The following LEMD1 variants were observed in gnomAD, a reference collection of about 807,000 sequenced individuals.
LEMD1 encodes LEM domain-containing protein 1.
Under a neutral mutation model 17.4 loss-of-function variants are expected in LEMD1, and 18 were observed. The observed-to-expected ratio is 1.04, with a 90% CI of 0.72 to 1.54. The LOEUF (loss-of-function observed/expected upper bound fraction) is 1.54. Among genes scored for constraint, LEMD1 ranks in the 40% most tolerant of loss-of-function variants. The pLI, the probability that LEMD1 is intolerant of heterozygous loss-of-function variation, is 0.00. For missense variants in LEMD1, 195 were observed against 210.4 expected, an observed-to-expected ratio of 0.93 and a Z score of 0.45; for synonymous variants, 88 against 77.8, an observed-to-expected ratio of 1.13 and a Z score of -0.69.
At chr1:205,388,422 C>G (rs1422479852) in intron 4 of LEMD1, among the ~76,000 whole-genome samples, 5 of 152,144 alleles carry the variant, frequency 3.3e-5, no homozygotes, top group Admixed American at 3.3e-4. Flanking sequence ...ATCTCCTGAC[C>G]TTGTGATCCA....
At chr1:205,427,046 T>C (rs1000558269), upstream of LEMD1, among the ~76,000 whole-genome samples, 5 of 152,086 alleles carry the variant, frequency 3.3e-5, no homozygotes, top group Non-Finnish European at 5.9e-5. Flanking sequence ...TCAGAGTGGT[T>C]AGGAGAACAG....
intron 4 of LEMD1, among the ~76,000 whole-genome samples, chr1:205,408,690 G>A (rs970831575): frequency 6.6e-6 from 1 of 151,632 alleles, no homozygotes; most frequent in Middle Eastern, 3.4e-3. Flanking sequence ...TGTAGAGATG[G>A]GGTTTTGCCA....
chr1:205,397,972 C>T (rs1169461471), intron 4 of LEMD1, among the ~76,000 whole-genome samples: 2 of 152,206 alleles, frequency 1.3e-5, no homozygotes, highest in Non-Finnish European at 2.9e-5. Context: ...ACTATTTCCT[C>T]CTGCTGCTCT....
intron 2 of LEMD1, among the ~76,000 whole-genome samples, chr1:205,419,707 C>G (rs996683337): frequency 6.6e-6 from 1 of 152,168 alleles, no homozygotes; most frequent in Non-Finnish European, 1.5e-5. Context: ...CTCAAGTGAT[C>G]CACCCGCCTC....
intron 1 of LEMD1, among the ~76,000 whole-genome samples, chr1:205,432,787 T>C (rs973864133): frequency 2.0e-5 from 3 of 151,976 alleles, no homozygotes; most frequent in African/African-American, 7.2e-5. Flanking sequence ...GGCAGGAGGA[T>C]AGCTTCAGCT....
At position 205,419,475 on chromosome 1, in the gene LEMD1, C is replaced by T. The variant is rs1438892110; in HGVS notation, c.83-123G>A. On this transcript the variant is annotated intron_variant, in intron 2 of 5. Coordinates refer to ENST00000367153, the MANE Select transcript of LEMD1 (RefSeq NM_001199050.2). ...CCCTTACATTATTGGTTAATTATGG[C>T]TTTTATTTGAGACAGGGTCTCACTG... The T allele has an allele frequency of 1.2e-5, 14 of 1,140,236 alleles. No homozygotes were observed. The East Asian group carries it at 2.9e-4, about 24-fold the overall frequency. 70.6% of individuals were successfully genotyped at this position (1,140,236 alleles called of 1,614,324 possible). A position where few individuals can be genotyped will look rare whatever the true frequency, so the allele number is the denominator to read the frequency against.
At chr1:205,395,545 G>C in intron 4 of LEMD1, among the ~76,000 whole-genome samples, 1 of 148,056 alleles carries the variant, frequency 6.8e-6, no homozygotes, top group East Asian at 2.0e-4. Flanking sequence ...GGTGAGCCAA[G>C]ATCATGCCAT....
chr1:205,447,086 A>G (rs75022873), intron 1 of LEMD1, among the ~76,000 whole-genome samples: 8,151 of 152,318 alleles, frequency 0.054, 292 homozygotes, highest in African/African-American at 0.089. Context: ...TTTTCAGAGT[A>G]CTTTCCCATG....
At chr1:205,409,108 G>C (rs1311310094) in intron 4 of LEMD1, among the ~76,000 whole-genome samples, 2 of 152,088 alleles carry the variant, frequency 1.3e-5, no homozygotes, top group Non-Finnish European at 1.5e-5. Flanking sequence ...CAAAGTGCTG[G>C]GATTACAGGC....
At chr1:205,414,658 A>G (rs1168619214) in intron 4 of LEMD1, among the ~76,000 whole-genome samples, 1 of 152,104 alleles carries the variant, frequency 6.6e-6, no homozygotes, top group Non-Finnish European at 1.5e-5. Context: ...TCTTGAGCTC[A>G]GGCAATCCTT....
At chr1:205,435,911 A>T (rs1446733782) in intron 1 of LEMD1, 1 of 152,214 alleles carries the variant, frequency 6.6e-6, no homozygotes, top group East Asian at 1.9e-4. Context: ...CCTTTTCTCC[A>T]TCACTTTTTC....
chr1:205,422,579 T>A (rs907550878), upstream of LEMD1, among the ~76,000 whole-genome samples: 5 of 152,232 alleles, frequency 3.3e-5, no homozygotes, highest in African/African-American at 7.2e-5. Context: ...ATCCTCTGGA[T>A]ACTCTTATAA....
At chr1:205,388,828 G>A (rs6593936) in intron 4 of LEMD1, among the ~76,000 whole-genome samples, 60,751 of 151,692 alleles carry the variant, frequency 0.4, 12,349 homozygotes, top group Middle Eastern at 0.46. Context: ...TTTTCATAAG[G>A]GTGTTTTTTT....
intron 4 of LEMD1, among the ~76,000 whole-genome samples, chr1:205,401,259 G>A (rs186873152): frequency 1.4e-4 from 22 of 152,268 alleles, no homozygotes; most frequent in Admixed American, 3.3e-4. Flanking sequence ...CTAGATCCCC[G>A]AGGAATCGCC....
intron 1 of LEMD1, among the ~76,000 whole-genome samples, chr1:205,442,521 G>C (rs998208753): frequency 6.6e-6 from 1 of 152,186 alleles, no homozygotes; most frequent in Non-Finnish European, 1.5e-5. Context: ...CACAGTGCCC[G>C]GTGGATCCAA....
chr1:205,396,644 A>C (rs1664604096), intron 4 of LEMD1, among the ~76,000 whole-genome samples: 1 of 152,256 alleles, frequency 6.6e-6, no homozygotes, highest in African/African-American at 2.4e-5. Flanking sequence ...TGACCATGTA[A>C]GCTCACAGCA....
At chr1:205,425,752 GA>G (rs955040278), upstream of LEMD1, among the ~76,000 whole-genome samples, 3 of 151,964 alleles carry the variant, frequency 2.0e-5, no homozygotes, top group African/African-American at 4.8e-5. Context: ...TTGACAGAGG[GA>G]AAAAAACAAC....
chr1:205,403,650 C>T (rs1664956751), intron 4 of LEMD1, among the ~76,000 whole-genome samples: 1 of 152,120 alleles, frequency 6.6e-6, no homozygotes, highest in Non-Finnish European at 1.5e-5. Flanking sequence ...TTCAAAGAAC[C>T]AGCTCCTGGA....
At chr1:205,403,101 G>A (rs1182269215) in intron 4 of LEMD1, among the ~76,000 whole-genome samples, 1 of 152,010 alleles carries the variant, frequency 6.6e-6, no homozygotes, top group Non-Finnish European at 1.5e-5. Flanking sequence ...GATTCGGTGT[G>A]CCAATATTTT....
Sources: allele counts gnomAD v4.1 joint callset (sites outside exome capture counted in the v4.1 genomes callset), GRCh38; gene constraint gnomAD v4.1.1; transcripts MANE v1.5; gene names NCBI Gene and HGNC (gene_info 2026-07-23, HGNC 2026-07-21).